The following PHF8 variants were observed in gnomAD, a reference collection of about 807,000 sequenced individuals.
PHF8 encodes PHD finger protein 8.
In PHF8, 9 loss-of-function variants were observed where a neutral mutation model predicts 74.4. That is an observed-to-expected ratio of 0.12 (90% CI 0.07 to 0.21). PHF8 has a LOEUF of 0.21. PHF8 is among the 10% of genes least tolerant of loss of function. The pLI, the probability that PHF8 is intolerant of heterozygous loss-of-function variation, is 1.00. For synonymous variants in PHF8, 311 were observed against 316.6 expected, an observed-to-expected ratio of 0.98 and a Z score of 0.19; for missense variants, 478 against 816.6, an observed-to-expected ratio of 0.59 and a Z score of 5.05.
intron 6 of PHF8, among the ~76,000 whole-genome samples, chrX:54,015,847 T>C (rs2066059167): frequency 9.0e-6 from 1 of 111,192 alleles, no homozygotes; most frequent in Non-Finnish European, 1.9e-5. Context: ...CTACTGTGTG[T>C]GTGAGTCCAG....
At chrX:53,959,024 CAT>C (rs1459954494) in intron 19 of PHF8, among the ~76,000 whole-genome samples, 1 of 110,562 alleles carries the variant, frequency 9.0e-6, no homozygotes, top group African/African-American at 3.3e-5. Context: ...TTAGAAATTA[CAT>C]ATATATTAGG....
intron 10 of PHF8, among the ~76,000 whole-genome samples, chrX:54,001,517 G>GA (rs1415483991): frequency 3.6e-5 from 4 of 109,679 alleles, no homozygotes; most frequent in Non-Finnish European, 7.6e-5. Context: ...CGGAAAAAAA[G>GA]AAAAAAGAAA....
Position 54,043,899 on chromosome X carries a change from C to T in PHF8, c.-230G>A. On this transcript the variant is annotated 5_prime_UTR_variant, in exon 1 of 22. Coordinates refer to ENST00000338154, the MANE Select transcript of PHF8 (RefSeq NM_015107.3). ...ACTCCACGCCCGCGGAGCTCAGCCC[C>T]AGCGACACGCCGGCAGCCGGGCTAG... is the stretch of plus-strand genomic sequence containing the variant. The T allele has an allele frequency of 2.7e-6, 2 of 754,678 alleles. No homozygotes were observed. The highest frequency in any genetic ancestry group is 3.1e-6 in the Non-Finnish European group (2 of 639,162). The allele number at this position is 754,678 out of a possible 1,213,427, so 62.2% of individuals were successfully genotyped here.
At chrX:54,038,921 G>C (rs1490137957) in intron 2 of PHF8, among the ~76,000 whole-genome samples, 1 of 110,543 alleles carries the variant, frequency 9.0e-6, no homozygotes, top group Non-Finnish European at 1.9e-5. Context: ...TGGATCACGA[G>C]GTCAGCAGTT....
chrX:53,966,619 A>C (rs1325739421), intron 18 of PHF8, among the ~76,000 whole-genome samples: 1 of 111,500 alleles, frequency 9.0e-6, no homozygotes, highest in Non-Finnish European at 1.9e-5. Flanking sequence ...TGGCCTCCCA[A>C]AGTGCCCAGA....
At chrX:53,977,945 CTTTTTTTTT>C (rs1319452833) in intron 18 of PHF8, among the ~76,000 whole-genome samples, 1 of 89,911 alleles carries the variant, frequency 1.1e-5, no homozygotes, top group Non-Finnish European at 2.2e-5. Flanking sequence ...TGCGCCCGGC[CTTTTTTTTT>C]TTTTTTTTGA....
chrX:53,979,468 C>G (rs184740209), intron 18 of PHF8, among the ~76,000 whole-genome samples: 122 of 111,898 alleles, frequency 1.1e-3, no homozygotes, highest in African/African-American at 3.8e-3. Flanking sequence ...GCTTTCAACT[C>G]AAGATGTTGA....
At chrX:54,030,437 T>C (rs2066336002) in intron 2 of PHF8, among the ~76,000 whole-genome samples, 1 of 111,823 alleles carries the variant, frequency 8.9e-6, no homozygotes, top group South Asian at 3.7e-4. Context: ...ATCCCCATGG[T>C]ATACTGCAAA....
At chrX:53,976,317 T>A (rs1288578628) in intron 18 of PHF8, among the ~76,000 whole-genome samples, 9 of 106,821 alleles carry the variant, frequency 8.4e-5, no homozygotes, top group African/African-American at 2.7e-4. Context: ...AAAAATAAAA[T>A]AAAATAAAAT....
rs782136183 is a variant in PHF8 at position 53,985,146 on chromosome X, T to C, written c.2211A>G (p.Ser737=). 13 of 1,203,060 alleles carry C rather than the reference T, an allele frequency of 1.1e-5. No homozygotes were observed. The highest frequency in any genetic ancestry group is 1.3e-5 in the Non-Finnish European group (12 of 890,886). ...AGGCCTGCAGGCTAGAGGTAGCCGG[T>C]GAGGACGATGAGGACTGCAGGTTGG... is the stretch of plus-strand genomic sequence containing the variant. The part of the protein sequence containing the change: ...CMANLQSSSS[S]PATSSLQAWW... The change falls in exon 18 of 22, where the codon TCA becomes TCG. Residue 737 remains serine (S), a synonymous_variant. Transcript: ENST00000338154.
chrX:53,993,590 C>T lies in PHF8; in HGVS notation c.1626+11G>A. The T allele has an allele frequency of 5.0e-6, 6 of 1,203,140 alleles. No individual in the cohort carries two copies. In the South Asian group the frequency reaches 1.1e-4, roughly 21 times the overall value. On this transcript the variant is annotated intron_variant, in intron 13 of 21. Coordinates refer to ENST00000338154, the MANE Select transcript of PHF8 (RefSeq NM_015107.3). ...AAAAGGGTTGGGCTGAACCCATGGG[C>T]CAGCACCCACCTTTGCTTTCTGGAA...
chrX:54,041,224 G>A (rs1324329318), intron 2 of PHF8, among the ~76,000 whole-genome samples: 1 of 108,058 alleles, frequency 9.3e-6, no homozygotes, highest in African/African-American at 3.4e-5. Flanking sequence ...TATCAAAAAA[G>A]TACAAAAAAA....
At chrX:53,964,068 G>A (rs2065142761) in intron 18 of PHF8, among the ~76,000 whole-genome samples, 2 of 112,015 alleles carry the variant, frequency 1.8e-5, no homozygotes, top group African/African-American at 3.2e-5. Flanking sequence ...AAAAGGATGA[G>A]TTCGTGTCCT....
intron 6 of PHF8, 118 bp downstream of exon 6, chrX:54,016,477 G>A: frequency 1.6e-6 from 1 of 639,796 alleles, no homozygotes. Context: ...CTGGGCGACA[G>A]AGCAAGACTC....
chrX:54,045,943 A>ACCCAGAGGAT (rs58428959), upstream of PHF8, among the ~76,000 whole-genome samples: 243 of 17,233 alleles, frequency 0.014, 2 homozygotes, highest in East Asian at 0.13. Context: ...AGGATGGTTT[A>ACCCAGAGGAT]GGGTTTTTTT....
chrX:53,971,484 C>T (rs898781158), intron 18 of PHF8, among the ~76,000 whole-genome samples: 4 of 110,848 alleles, frequency 3.6e-5, no homozygotes, highest in Non-Finnish European at 7.5e-5. Context: ...CAGAGCTGAA[C>T]GGAAGGAGAC....
rs782152137 is a variant in PHF8, at chrX:53,993,767, T to C, written c.1460A>G (p.Lys487Arg). 1.7e-6 allele frequency: 2 copies of C among 1,211,668 alleles called. No homozygotes were observed. Among genetic ancestry groups the C allele is most frequent in the South Asian group, 3.5e-5 (2 of 56,991 alleles). Residue 487 changes from lysine to arginine, a missense_variant, in exon 13 of 22, where the codon AAA becomes AGA. By Grantham distance (26) the Lys-to-Arg change is conservative. Coordinates refer to ENST00000338154, the MANE Select transcript of PHF8 (RefSeq NM_015107.3). ...VSMSRLSLPSKNGSKKKGLKP... is the reference protein window; with the variant it reads ...VSMSRLSLPSRNGSKKKGLKP... ...CAGGCCTTTCTTCTTTGAACCATTT[T>C]TGGAGGGCAGTGACAGCCTGGACAT...
intron 7 of PHF8, among the ~76,000 whole-genome samples, chrX:54,012,681 A>C (rs1391377375): frequency 6.3e-5 from 7 of 111,279 alleles, no homozygotes; most frequent in African/African-American, 2.0e-4. Flanking sequence ...TCACGTCTGT[A>C]ATCCTAGCAC....
intron 2 of PHF8, among the ~76,000 whole-genome samples, chrX:54,040,539 A>T (rs1477604961): frequency 1.8e-5 from 2 of 111,964 alleles, no homozygotes; most frequent in African/African-American, 6.5e-5. Context: ...CAAGAGGAAG[A>T]AGGACTTTTA....
Sources: allele counts gnomAD v4.1 joint callset (sites outside exome capture counted in the v4.1 genomes callset), GRCh38; gene constraint gnomAD v4.1.1; transcripts MANE v1.5; gene names NCBI Gene and HGNC (gene_info 2026-07-23, HGNC 2026-07-21).